The following NBAS variants were observed in gnomAD, a reference collection of about 807,000 sequenced individuals.
The protein encoded by NBAS is NBAS subunit of NRZ tethering complex.
NBAS carries 219 observed loss-of-function variants against 302.5 expected under a neutral mutation model. That is an observed-to-expected ratio of 0.72 (90% CI 0.65 to 0.81). NBAS has a LOEUF of 0.81. NBAS is among the 30% of genes least tolerant of loss of function. The pLI is 0.00. For synonymous variants in NBAS, 1,118 were observed against 1,021.6 expected (o/e 1.09, Z -1.80); for missense variants, 2,932 against 2,841.6 (o/e 1.03, Z -0.72).
chr2:15,169,207 C>T (rs1664175025), intron 51 of NBAS, among the ~76,000 whole-genome samples: 1 of 152,190 alleles, frequency 6.6e-6, no homozygotes, highest in Non-Finnish European at 1.5e-5. Context: ...AATTCATGAA[C>T]ACTTGTACAG....
At chr2:14,863,849 G>T in the NBAS span, among the ~76,000 whole-genome samples, 31,204 of 152,142 alleles carry the variant, frequency 0.21, 5,101 homozygotes, top group African/African-American at 0.45. Flanking sequence ...CTACCTTCCT[G>T]CAGGTCACCT....
the NBAS span, among the ~76,000 whole-genome samples, chr2:15,078,452 C>T: frequency 6.6e-6 from 1 of 152,180 alleles, no homozygotes; most frequent in Non-Finnish European, 1.5e-5. Context: ...AACTTGTTGA[C>T]TTTGTCACTT....
At chr2:15,480,627 G>A (rs946346410) in intron 12 of NBAS, among the ~76,000 whole-genome samples, 1 of 151,962 alleles carries the variant, frequency 6.6e-6, no homozygotes, top group Non-Finnish European at 1.5e-5. Context: ...ACTTGGATGT[G>A]GAAAATGAAT....
chr2:14,956,725 C>T, the NBAS span, among the ~76,000 whole-genome samples: 1 of 152,142 alleles, frequency 6.6e-6, no homozygotes. Context: ...AACTCACTCA[C>T]TATCATGATA....
the NBAS span, among the ~76,000 whole-genome samples, chr2:15,066,609 G>A: frequency 1.3e-5 from 2 of 152,166 alleles, no homozygotes; most frequent in African/African-American, 4.8e-5. Flanking sequence ...TTAAAAAATC[G>A]ACATCACTAA....
At chr2:15,513,682 G>T (rs150872250) in intron 9 of NBAS, among the ~76,000 whole-genome samples, 71 of 151,500 alleles carry the variant, frequency 4.7e-4, no homozygotes, top group African/African-American at 1.7e-3. Context: ...ATGGAGAGCA[G>T]ATCAATGAAT....
chr2:15,018,792 C>A, the NBAS span, among the ~76,000 whole-genome samples: 2 of 151,926 alleles, frequency 1.3e-5, no homozygotes, highest in African/African-American at 4.8e-5. Flanking sequence ...AATAAACTAA[C>A]CTTAGTTTCT....
rs546058828 is a variant in NBAS at position 15,502,413 on chromosome 2, C to G, written c.954+1732G>C. Among the ~76,000 whole-genome samples the G allele has an allele frequency of 3.3e-5, 5 of 152,276 alleles. No homozygotes were observed. The East Asian group carries it at 9.6e-4, about 29-fold the overall frequency. ...AAAATGTGTCATTAGGTGATTTCGT[C>G]GTTGTGAAAACATCATACATAACAG... On this transcript the variant is annotated intron_variant, in intron 11 of 51. Coordinates refer to ENST00000281513, the MANE Select transcript of NBAS (RefSeq NM_015909.4).
chr2:15,331,121 T>A (rs190728354), intron 35 of NBAS, among the ~76,000 whole-genome samples: 14 of 152,362 alleles, frequency 9.2e-5, no homozygotes, highest in African/African-American at 3.4e-4. Context: ...GACAATACAT[T>A]TTGAAGTATT....
the NBAS span, among the ~76,000 whole-genome samples, chr2:15,069,480 T>C: frequency 6.6e-6 from 1 of 152,086 alleles, no homozygotes; most frequent in Non-Finnish European, 1.5e-5. Flanking sequence ...GAACGATCTC[T>C]ATCCTTCAGA....
intron 8 of NBAS, among the ~76,000 whole-genome samples, chr2:15,535,569 TA>T (rs1021776548): frequency 2.9e-5 from 4 of 139,592 alleles, no homozygotes; most frequent in African/African-American, 8.8e-5. Context: ...TAAATAAAAA[TA>T]AAAAAATAAA....
Position 15,320,812 on chromosome 2 carries a change from A to G in NBAS, c.4582+6938T>C, listed in dbSNP as rs143503209. On this transcript the variant is annotated intron_variant, in intron 38 of 51. Transcript: ENST00000281513. Reference sequence around the variant, plus strand: ...AAAAATCAATATAGTGAAAATGGCCATACTGTCCAAGGTAATTTATAGATT... The same window carrying G: ...AAAAATCAATATAGTGAAAATGGCCGTACTGTCCAAGGTAATTTATAGATT... Among the ~76,000 whole-genome samples, 514 of 152,324 alleles carry G rather than the reference A, an allele frequency of 3.4e-3. 2 individuals carry two copies. Among genetic ancestry groups the G allele is most frequent in the African/African-American group, 0.012 (497 of 41,552 alleles).
the NBAS span, among the ~76,000 whole-genome samples, chr2:15,134,056 T>TCTC: frequency 6.9e-6 from 1 of 145,666 alleles, no homozygotes; most frequent in Admixed American, 6.8e-5. Flanking sequence ...GAACATTTCT[T>TCTC]TCTCTCTCTC....
intron 47 of NBAS, among the ~76,000 whole-genome samples, chr2:15,231,221 T>C (rs72776628): frequency 0.12 from 18,843 of 152,266 alleles, 1,567 homozygotes; most frequent in East Asian, 0.32. Flanking sequence ...TAGCCACTGC[T>C]ACAGCGACTT....
intron 6 of NBAS, among the ~76,000 whole-genome samples, chr2:15,541,233 C>G (rs912549855): frequency 6.6e-6 from 1 of 152,164 alleles, no homozygotes; most frequent in Non-Finnish European, 1.5e-5. Context: ...AGTCTCTGAG[C>G]TCACTGAAAT....
the NBAS span, among the ~76,000 whole-genome samples, chr2:15,044,501 C>T: frequency 3.9e-5 from 6 of 152,216 alleles, no homozygotes; most frequent in Non-Finnish European, 5.9e-5. Context: ...ACAAGGGGCT[C>T]AGCAGAGTAT....
chr2:14,888,550 C>CT, the NBAS span, among the ~76,000 whole-genome samples: 1 of 151,984 alleles, frequency 6.6e-6, no homozygotes, highest in South Asian at 2.1e-4. Context: ...TTCTCCCCTT[C>CT]TTTTTTGGGT....
At chr2:14,841,142 T>C in the NBAS span, among the ~76,000 whole-genome samples, 1 of 152,000 alleles carries the variant, frequency 6.6e-6, no homozygotes, top group African/African-American at 2.4e-5. Flanking sequence ...ATTTATATGA[T>C]ATTTTTTGAA....
At chr2:15,025,794 T>A in the NBAS span, among the ~76,000 whole-genome samples, 2 of 152,190 alleles carry the variant, frequency 1.3e-5, no homozygotes, top group Admixed American at 1.3e-4. Flanking sequence ...GATTGCTTTT[T>A]ATTTTTGCAC....
Sources: allele counts gnomAD v4.1 joint callset (sites outside exome capture counted in the v4.1 genomes callset), GRCh38; gene constraint gnomAD v4.1.1; transcripts MANE v1.5; gene names NCBI Gene and HGNC (gene_info 2026-07-23, HGNC 2026-07-21).